TAF1: variants seen among roughly 807,000 people sequenced by gnomAD.
TAF1 encodes the protein TATA-box binding protein associated factor 1.
A neutral mutation model predicts 138.5 loss-of-function variants in TAF1; 2 were observed. The observed-to-expected ratio is 0.01, with a 90% confidence interval of 0.01 to 0.05. The LOEUF is 0.05. TAF1 is among the 10% of genes least tolerant of loss of function. TAF1 has a pLI of 1.00. For missense variants in TAF1, 709 were observed against 1,478.0 expected (o/e 0.48, Z 8.53); for synonymous variants, 437 against 503.2 (o/e 0.87, Z 1.76).
intron 27 of TAF1, 95 bp downstream of exon 27, chrX:71,407,767 G>T (rs2035550593): frequency 9.8e-7 from 1 of 1,018,650 alleles, no homozygotes; most frequent in Non-Finnish European, 1.3e-6. Flanking sequence ...GTAGATTTAG[G>T]TAACTGGAAT....
At chrX:71,378,159 A>T in intron 6 of TAF1, 76 bp from the exon 7 acceptor site, 1 of 1,028,367 alleles carries the variant, frequency 9.7e-7, no homozygotes, top group South Asian at 2.1e-5. Flanking sequence ...TCCCCTCCTG[A>T]CTGTTAACTC....
intron 22 of TAF1, among the ~76,000 whole-genome samples, 188 bp from the exon 23 acceptor site, chrX:71,397,065 G>A (rs997599056): frequency 1.5e-3 from 165 of 108,642 alleles, no homozygotes; most frequent in Non-Finnish European, 2.7e-3. Context: ...GGGGAAATTG[G>A]CAGTGCCTAA....
chrX:71,371,494 A>G (rs1275500327), intron 3 of TAF1, among the ~76,000 whole-genome samples: 1 of 111,834 alleles, frequency 8.9e-6, no homozygotes, highest in Non-Finnish European at 1.9e-5. Context: ...AGAAATAAGC[A>G]AGTAGTGTGT....
At chrX:71,504,711 C>A (rs1225030670) in intron 13 of TAF1, among the ~76,000 whole-genome samples, 3 of 78,253 alleles carry the variant, frequency 3.8e-5, no homozygotes, top group African/African-American at 1.6e-4. Context: ...CACTGCACTC[C>A]AGCCTGGGTG....
At chrX:71,428,109 G>A (rs1286198229) in intron 32 of TAF1, among the ~76,000 whole-genome samples, 110 of 99,217 alleles carry the variant, frequency 1.1e-3, no homozygotes, top group Non-Finnish European at 1.9e-3. Flanking sequence ...TCCGCCTCCC[G>A]GGTTCAAGCA....
At chrX:71,428,343 G>C (rs2036703281) in intron 32 of TAF1, among the ~76,000 whole-genome samples, 1 of 111,462 alleles carries the variant, frequency 9.0e-6, no homozygotes, top group South Asian at 3.7e-4. Context: ...GTATAAAATT[G>C]TGTGAGATTT....
rs763251694 is a variant in TAF1, at chrX:71,376,897, G to A, written c.473-53G>A. ...CCTAAAGTGGGTGTTTGCGGAATTC[G>A]AGGAAATATGTTCACAGTTACATGC... On this transcript the variant is annotated intron_variant, in intron 4 of 37. Coordinates refer to ENST00000423759, the MANE Select transcript of TAF1 (RefSeq NM_004606.5). 2.4e-4 allele frequency: 287 copies of A among 1,192,023 alleles called. 1 individual carries two copies. Among genetic ancestry groups the A allele is most frequent in the Middle Eastern group, 1.7e-3 (7 of 4,114 alleles).
At chrX:71,511,723 A>G (rs1464646609) in intron 13 of TAF1, among the ~76,000 whole-genome samples, 3 of 112,187 alleles carry the variant, frequency 2.7e-5, no homozygotes. Flanking sequence ...GAGTATTAAT[A>G]AAGAACTTTT....
intron 8 of TAF1, among the ~76,000 whole-genome samples, chrX:71,380,060 G>T (rs751144654): frequency 2.7e-5 from 3 of 110,204 alleles, no homozygotes; most frequent in Non-Finnish European, 5.7e-5. Context: ...TGAAAATACA[G>T]TATAGTGTTA....
chrX:71,412,756 T>C (rs982971587), intron 28 of TAF1, among the ~76,000 whole-genome samples: 2 of 112,229 alleles, frequency 1.8e-5, no homozygotes, highest in African/African-American at 6.5e-5. Context: ...GCCTGGCTAA[T>C]TTTTTGTATT....
chrX:71,498,020 G>A (rs1172497857), intron 13 of TAF1, among the ~76,000 whole-genome samples: 1 of 111,737 alleles, frequency 8.9e-6, no homozygotes, highest in Non-Finnish European at 1.9e-5. Context: ...TTGTACCCTT[G>A]ATTAGCTAGA....
At chrX:71,503,474 C>T (rs2039562557) in intron 13 of TAF1, among the ~76,000 whole-genome samples, 1 of 108,129 alleles carries the variant, frequency 9.2e-6, no homozygotes, top group Non-Finnish European at 1.9e-5. Context: ...GAATATGGCA[C>T]TATCACTTTT....
chrX:71,508,789 A>G (rs995625070), intron 13 of TAF1, among the ~76,000 whole-genome samples: 11 of 106,267 alleles, frequency 1.0e-4, no homozygotes, highest in Non-Finnish European at 2.1e-4. Flanking sequence ...AAGTAATTAC[A>G]AGTGGTTCCA....
chrX:71,472,337 A>G (rs1411757220), intron 13 of TAF1, among the ~76,000 whole-genome samples: 1 of 112,683 alleles, frequency 8.9e-6, no homozygotes, highest in East Asian at 2.7e-4. Flanking sequence ...CGATAATACA[A>G]TGAACATTTC....
intron 28 of TAF1, among the ~76,000 whole-genome samples, chrX:71,409,601 A>T (rs1441240374): frequency 9.0e-6 from 1 of 111,647 alleles, no homozygotes; most frequent in East Asian, 2.8e-4. Context: ...GTTACCATAG[A>T]CAAGTTATTT....
At chrX:71,530,011 T>G (rs1170647499) in exon 15 of TAF1, 1 of 168,226 alleles carries the variant, frequency 5.9e-6, no homozygotes, top group East Asian at 1.8e-4. Context: ...TTCAATGTAC[T>G]CATTAGGCTT....
At chrX:71,412,215 C>G (rs1390974595) in intron 28 of TAF1, among the ~76,000 whole-genome samples, 1 of 107,400 alleles carries the variant, frequency 9.3e-6, no homozygotes, top group African/African-American at 3.4e-5. Context: ...GCCTCACCCT[C>G]TCGGGCTCAA....
At position 71,390,767 on chromosome X, in the gene TAF1, G is replaced by A. The variant is rs745752793; in HGVS notation, c.2781+1102G>A. On this transcript the variant is annotated intron_variant, in intron 18 of 37. Transcript: ENST00000423759. ...TCCCAACACTTTGGGAGGCCGAGGC[G>A]GGCAGATCACCTGAGGTCAGGAGTT... Among the ~76,000 whole-genome samples, 17 of 111,487 alleles carry A rather than the reference G, an allele frequency of 1.5e-4. No individual in the cohort carries two copies. In the Admixed American group the frequency reaches 1.6e-3, roughly 11 times the overall value.
chrX:71,483,936 C>G (rs918494992), intron 13 of TAF1, among the ~76,000 whole-genome samples: 4 of 109,848 alleles, frequency 3.6e-5, no homozygotes, highest in African/African-American at 1.3e-4. Context: ...CTCCCAATGG[C>G]AACATTTTGC....
Sources: allele counts gnomAD v4.1 joint callset (sites outside exome capture counted in the v4.1 genomes callset), GRCh38; gene constraint gnomAD v4.1.1; transcripts MANE v1.5; gene names NCBI Gene and HGNC (gene_info 2026-07-23, HGNC 2026-07-21).